Variants in SLC4A10 observed in about 807,000 individuals in gnomAD.
SLC4A10 encodes the protein solute carrier family 4 member 10, also known as sodium-driven chloride bicarbonate exchanger.
Under a neutral mutation model 137.7 loss-of-function variants are expected in SLC4A10, and 42 were observed. That is an observed-to-expected ratio of 0.30 (90% CI 0.24 to 0.39). SLC4A10 has a LOEUF of 0.39. Ranked by LOEUF, SLC4A10 falls within the 10% of genes least tolerant of loss-of-function variation. The pLI is 1.00. For synonymous variants in SLC4A10, 474 were observed against 464.1 expected (o/e 1.02, Z -0.27); for missense variants, 925 against 1,355.0 (o/e 0.68, Z 4.98).
intron 3 of SLC4A10, among the ~76,000 whole-genome samples, chr2:161,806,846 C>A (rs1302396818): frequency 6.6e-6 from 1 of 152,152 alleles, no homozygotes; most frequent in African/African-American, 2.4e-5. Context: ...AAAGTCACTT[C>A]CACATTTTCA....
At chr2:161,928,872 A>G (rs532317462) in intron 15 of SLC4A10, among the ~76,000 whole-genome samples, 2 of 152,270 alleles carry the variant, frequency 1.3e-5, no homozygotes, top group African/African-American at 4.8e-5. Context: ...GCTACAGAAA[A>G]CATATATGTA....
intron 3 of SLC4A10, among the ~76,000 whole-genome samples, chr2:161,839,104 C>T (rs1393130006): frequency 6.6e-6 from 1 of 152,214 alleles, no homozygotes; most frequent in Non-Finnish European, 1.5e-5. Flanking sequence ...GTGGTACATT[C>T]CTGCAATGGA....
At chr2:161,844,666 G>C (rs542839383) in intron 4 of SLC4A10, among the ~76,000 whole-genome samples, 1 of 152,208 alleles carries the variant, frequency 6.6e-6, no homozygotes, top group Non-Finnish European at 1.5e-5. Context: ...CCCAGAAAGA[G>C]TTAAGTTCTC....
chr2:161,731,741 G>A (rs2046840614), intron 1 of SLC4A10, among the ~76,000 whole-genome samples: 1 of 151,898 alleles, frequency 6.6e-6, no homozygotes, highest in Non-Finnish European at 1.5e-5. Flanking sequence ...TTTTTGATGG[G>A]TTACAAGCTT....
chr2:161,840,430 T>G (rs1448069617), intron 4 of SLC4A10, among the ~76,000 whole-genome samples: 1 of 152,222 alleles, frequency 6.6e-6, no homozygotes, highest in Non-Finnish European at 1.5e-5. Flanking sequence ...AAAAATATCT[T>G]TTAAAATCAC....
At chr2:161,728,241 C>T (rs982502197) in intron 1 of SLC4A10, among the ~76,000 whole-genome samples, 14 of 152,158 alleles carry the variant, frequency 9.2e-5, no homozygotes, top group African/African-American at 3.4e-4. Context: ...ACTATTCAGT[C>T]CTAAACTGAA....
chr2:161,748,975 A>T (rs1196797032), intron 1 of SLC4A10, among the ~76,000 whole-genome samples: 1 of 151,900 alleles, frequency 6.6e-6, no homozygotes, highest in Non-Finnish European at 1.5e-5. Flanking sequence ...TATAGTTTTC[A>T]GTGTACAGAT....
intron 1 of SLC4A10, among the ~76,000 whole-genome samples, chr2:161,625,781 C>T (rs1396685994): frequency 6.6e-6 from 1 of 151,868 alleles, no homozygotes; most frequent in Non-Finnish European, 1.5e-5. Flanking sequence ...CTCCTGCGGA[C>T]GCCAGGTTTG....
intron 6 of SLC4A10, among the ~76,000 whole-genome samples, chr2:161,871,472 T>G (rs1431353760): frequency 2.0e-5 from 3 of 152,058 alleles, no homozygotes; most frequent in Non-Finnish European, 4.4e-5. Flanking sequence ...TATGACTTAC[T>G]GCAAACAATG....
intron 1 of SLC4A10, among the ~76,000 whole-genome samples, chr2:161,714,544 G>A (rs561961911): frequency 6.6e-6 from 1 of 152,006 alleles, no homozygotes; most frequent in African/African-American, 2.4e-5. Flanking sequence ...TGGTTCCAGT[G>A]AAGCATATTA....
chr2:161,724,977 C>T (rs1315225610), intron 1 of SLC4A10, among the ~76,000 whole-genome samples: 2 of 152,252 alleles, frequency 1.3e-5, no homozygotes, highest in South Asian at 4.1e-4. Flanking sequence ...GCATTAAATA[C>T]ACATCTTTTA....
At chr2:161,973,949 A>T (rs999897083) in intron 23 of SLC4A10, among the ~76,000 whole-genome samples, 1 of 152,194 alleles carries the variant, frequency 6.6e-6, no homozygotes, top group African/African-American at 2.4e-5. Flanking sequence ...CTTTTTTCTT[A>T]TAAAATTTAG....
intron 1 of SLC4A10, among the ~76,000 whole-genome samples, chr2:161,664,016 G>C (rs1004714437): frequency 7.2e-5 from 11 of 151,960 alleles, no homozygotes; most frequent in African/African-American, 2.7e-4. Flanking sequence ...TTCTCAGTAA[G>C]ATTTTCTTTA....
chr2:161,804,017 A>G (rs2055653514), intron 2 of SLC4A10, among the ~76,000 whole-genome samples: 1 of 152,188 alleles, frequency 6.6e-6, no homozygotes, highest in Non-Finnish European at 1.5e-5. Flanking sequence ...GGAATTTGGC[A>G]TTAACATAGA....
chr2:161,946,738 C>A (rs961651966), intron 16 of SLC4A10, among the ~76,000 whole-genome samples: 1 of 151,884 alleles, frequency 6.6e-6, no homozygotes, highest in Non-Finnish European at 1.5e-5. Context: ...ATGGCTAAGG[C>A]AGTAATTAGA....
chr2:161,789,879 A>G (rs2054024352), intron 2 of SLC4A10, among the ~76,000 whole-genome samples: 1 of 152,180 alleles, frequency 6.6e-6, no homozygotes, highest in Admixed American at 6.6e-5. Flanking sequence ...CTGGGGGCAT[A>G]AAATGTGACT....
chr2:161,640,668 T>A (rs1333226231), intron 1 of SLC4A10, among the ~76,000 whole-genome samples: 1 of 121,054 alleles, frequency 8.3e-6, no homozygotes, highest in Non-Finnish European at 1.7e-5. Context: ...TTCTTTCTTT[T>A]TGAGATGGGG....
At chr2:161,777,308 C>T (rs1233516825) in intron 2 of SLC4A10, among the ~76,000 whole-genome samples, 9 of 151,640 alleles carry the variant, frequency 5.9e-5, no homozygotes, top group Non-Finnish European at 1.3e-4. Flanking sequence ...CTATATGTTG[C>T]CTATTAGATC....
intron 1 of SLC4A10, among the ~76,000 whole-genome samples, chr2:161,667,415 A>C (rs748900439): frequency 1.3e-5 from 2 of 151,696 alleles, no homozygotes; most frequent in African/African-American, 4.8e-5. Flanking sequence ...TAATTGCAAT[A>C]AAGTATGATA....
Sources: gnomAD v4.1 joint callset for allele counts (sites outside exome capture counted in the v4.1 genomes callset) on GRCh38, gnomAD v4.1.1 for gene constraint, MANE v1.5 for transcripts, NCBI Gene and HGNC (gene_info 2026-07-23, HGNC 2026-07-21) for gene names.